Variants in LIN28B observed in about 807,000 individuals in gnomAD.
LIN28B encodes the protein protein lin-28 homolog B.
LIN28B carries 5 observed loss-of-function variants against 21.9 expected under a neutral mutation model. The observed-to-expected ratio is 0.23, with a 90% CI of 0.12 to 0.48. LIN28B has a LOEUF of 0.48. Ranked by LOEUF, LIN28B falls within the 20% of genes least tolerant of loss-of-function variation. LIN28B has a pLI of 0.98. For missense variants in LIN28B, 245 were observed against 310.5 expected, an observed-to-expected ratio of 0.79 and a Z score of 1.58; for synonymous variants, 109 against 111.3, an observed-to-expected ratio of 0.98 and a Z score of 0.13.
intron 3 of LIN28B, among the ~76,000 whole-genome samples, chr6:105,076,836 C>G (rs1351920260): frequency 1.3e-5 from 2 of 151,890 alleles, no homozygotes; most frequent in Admixed American, 1.3e-4. Context: ...GATCTCCTGA[C>G]CTCATAATCC....
chr6:105,063,648 G>GGGA (rs1491125302), intron 3 of LIN28B, among the ~76,000 whole-genome samples: 3 of 133,234 alleles, frequency 2.3e-5, no homozygotes, highest in African/African-American at 8.4e-5. Flanking sequence ...GGGGGGGGGG[G>GGGA]AAAAAAAGGT....
intron 2 of LIN28B, among the ~76,000 whole-genome samples, chr6:104,973,597 A>G (rs1051669956): frequency 2.6e-5 from 4 of 152,246 alleles, no homozygotes; most frequent in Admixed American, 1.3e-4. Flanking sequence ...GGAAAAAGCA[A>G]TCACTCAGCA....
intron 3 of LIN28B, among the ~76,000 whole-genome samples, chr6:105,046,586 C>T (rs994991116): frequency 5.2e-4 from 79 of 152,238 alleles, no homozygotes; most frequent in African/African-American, 1.6e-3. Context: ...CCTGAGGAAT[C>T]GCCACACTGA....
At chr6:104,991,016 C>T (rs1028362053) in intron 2 of LIN28B, among the ~76,000 whole-genome samples, 3 of 152,260 alleles carry the variant, frequency 2.0e-5, no homozygotes, top group African/African-American at 7.2e-5. Context: ...CACATTTCCC[C>T]GTTTTCTATT....
chr6:105,034,128 T>G (rs772237871), intron 3 of LIN28B, among the ~76,000 whole-genome samples: 7 of 151,932 alleles, frequency 4.6e-5, no homozygotes, highest in Non-Finnish European at 8.8e-5. Context: ...TGTATACATA[T>G]AGCTTTGTAA....
intron 2 of LIN28B, among the ~76,000 whole-genome samples, chr6:104,945,909 C>A (rs1475329597): frequency 6.6e-6 from 1 of 151,834 alleles, no homozygotes; most frequent in Non-Finnish European, 1.5e-5. Context: ...AAAATAAATT[C>A]TTCTTATTAC....
intron 3 of LIN28B, among the ~76,000 whole-genome samples, chr6:105,053,479 C>G (rs184271964): frequency 2.3e-4 from 34 of 150,852 alleles, no homozygotes; most frequent in African/African-American, 7.1e-4. Context: ...GTGGATTTCT[C>G]TATTTCTTCT....
intron 3 of LIN28B, among the ~76,000 whole-genome samples, chr6:105,060,946 G>A (rs963474296): frequency 3.3e-5 from 5 of 152,172 alleles, no homozygotes; most frequent in Non-Finnish European, 7.4e-5. Flanking sequence ...GGAGTTGGTA[G>A]ACAAATATAA....
At chr6:105,038,538 G>C (rs9500020) in intron 3 of LIN28B, among the ~76,000 whole-genome samples, 3,459 of 152,264 alleles carry the variant, frequency 0.023, 144 homozygotes, top group African/African-American at 0.08. Context: ...CCAGGTCCAA[G>C]AATAATGACT....
At position 104,961,333 on chromosome 6, in the gene LIN28B, T is replaced by A. The variant is rs1048792959; in HGVS notation, c.198+3047T>A. 4.6e-5 allele frequency among the ~76,000 whole-genome samples: 7 copies of A among 152,214 alleles called. No homozygotes were observed. The East Asian group carries it at 9.6e-4, about 21-fold the overall frequency. ...ATATATTTAAGAATTTCTCGAGTAA[T>A]ACAAACACAGATTTGTTTCAAATGA... On this transcript the variant is annotated intron_variant, in intron 2 of 3. Transcript: ENST00000345080.
intron 2 of LIN28B, among the ~76,000 whole-genome samples, chr6:104,944,740 A>G (rs1304549879): frequency 1.3e-5 from 2 of 152,146 alleles, no homozygotes; most frequent in African/African-American, 4.8e-5. Context: ...ATCAGTAAAA[A>G]GTACTATTTT....
chr6:104,957,124 A>T lies in LIN28B; in HGVS notation c.-127A>T. On this transcript the variant is annotated 5_prime_UTR_variant, in exon 1 of 4. Coordinates refer to ENST00000345080, the MANE Select transcript of LIN28B (RefSeq NM_001004317.4). ...AAAAAAATCAAAAGAAGGAAAGCAC[A>T]TTAGACCATGCGAGCTAAATTTGTG... The T allele has an allele frequency of 5.0e-6, 8 of 1,606,828 alleles. No individual in the cohort carries two copies. The highest frequency in any genetic ancestry group is 6.8e-6 in the Non-Finnish European group (8 of 1,176,530).
At chr6:104,969,117 T>A (rs1769921627) in intron 2 of LIN28B, among the ~76,000 whole-genome samples, 1 of 152,102 alleles carries the variant, frequency 6.6e-6, no homozygotes, top group Non-Finnish European at 1.5e-5. Flanking sequence ...TTTTCAATTT[T>A]CACAAGAAAA....
intron 2 of LIN28B, among the ~76,000 whole-genome samples, chr6:105,008,420 G>A (rs562336570): frequency 1.2e-4 from 18 of 152,098 alleles, no homozygotes; most frequent in African/African-American, 4.1e-4. Context: ...CGAGGCGGGC[G>A]GATCACGAGG....
At chr6:104,967,736 G>A (rs1388348958) in intron 2 of LIN28B, among the ~76,000 whole-genome samples, 1 of 151,870 alleles carries the variant, frequency 6.6e-6, no homozygotes, top group East Asian at 1.9e-4. Flanking sequence ...CTGGCGTGCA[G>A]TGGTGGGATT....
intron 3 of LIN28B, among the ~76,000 whole-genome samples, chr6:105,075,448 G>T (rs896249728): frequency 2.0e-5 from 3 of 152,224 alleles, no homozygotes; most frequent in Admixed American, 2.0e-4. Context: ...CTCTTAGTAA[G>T]AGTGATTGAC....
chr6:104,999,078 A>C (rs1770669112), intron 2 of LIN28B, among the ~76,000 whole-genome samples: 1 of 152,228 alleles, frequency 6.6e-6, no homozygotes, highest in African/African-American at 2.4e-5. Context: ...AAATTCATGA[A>C]GATATAAATA....
intron 2 of LIN28B, among the ~76,000 whole-genome samples, chr6:105,014,862 T>C (rs1328786747): frequency 6.6e-6 from 1 of 152,058 alleles, no homozygotes; most frequent in Non-Finnish European, 1.5e-5. Flanking sequence ...TTTTTTATTA[T>C]CATTTGGTTT....
intron 2 of LIN28B, among the ~76,000 whole-genome samples, chr6:104,999,464 A>G (rs190469195): frequency 6.6e-6 from 1 of 152,300 alleles, no homozygotes; most frequent in African/African-American, 2.4e-5. Flanking sequence ...ACCTAATACT[A>G]GCAAGGTTGC....
Sources: gnomAD v4.1 joint callset for allele counts (sites outside exome capture counted in the v4.1 genomes callset) on GRCh38, gnomAD v4.1.1 for gene constraint, MANE v1.5 for transcripts, NCBI Gene and HGNC (gene_info 2026-07-23, HGNC 2026-07-21) for gene names.